The following PRKCA variants were observed in gnomAD, a reference collection of about 807,000 sequenced individuals.
PRKCA encodes the protein protein kinase C alpha type.
PRKCA carries 27 observed loss-of-function variants against 87.0 expected under a neutral mutation model. That is an observed-to-expected ratio of 0.31 (90% CI 0.23 to 0.43). PRKCA has a LOEUF of 0.43. Among genes scored for constraint, PRKCA ranks in the 20% least tolerant of loss-of-function variants. The pLI is 1.00. For synonymous variants in PRKCA, 329 were observed against 311.1 expected (o/e 1.06, Z -0.61); for missense variants, 518 against 852.3 (o/e 0.61, Z 4.88).
At chr17:66,718,918 A>G (rs551658776) in intron 8 of PRKCA, among the ~76,000 whole-genome samples, 31 of 152,332 alleles carry the variant, frequency 2.0e-4, no homozygotes, top group Non-Finnish European at 3.2e-4. Flanking sequence ...CACACAACCC[A>G]AAAGAAACCA....
At chr17:66,440,438 G>C (rs1913672950) in intron 2 of PRKCA, among the ~76,000 whole-genome samples, 1 of 152,200 alleles carries the variant, frequency 6.6e-6, no homozygotes, top group Admixed American at 6.5e-5. Flanking sequence ...TCCATCTCCT[G>C]CTTTCTATTT....
Position 66,804,283 on chromosome 17 carries a change from C to T in PRKCA, c.*246C>T, listed in dbSNP as rs576116346. Reference sequence around the variant, plus strand: ...GTCCAGTTTAATTCTGTAGAAGTTACGTCTGGCTCTAGGTTAACCCTTCCT... The same window carrying T: ...GTCCAGTTTAATTCTGTAGAAGTTATGTCTGGCTCTAGGTTAACCCTTCCT... On this transcript the variant is annotated 3_prime_UTR_variant, in exon 17 of 17. Transcript: ENST00000413366. 2.5e-4 allele frequency: 107 copies of T among 433,652 alleles called. No homozygotes were observed. The highest frequency in any genetic ancestry group is 1.9e-3 in the African/African-American group (93 of 49,824). 26.9% of individuals were successfully genotyped at this position (433,652 alleles called of 1,614,324 possible).
chr17:66,731,048 G>A (rs1973872849), intron 8 of PRKCA, among the ~76,000 whole-genome samples: 1 of 152,112 alleles, frequency 6.6e-6, no homozygotes, highest in Non-Finnish European at 1.5e-5. Context: ...AGGGAGGGAG[G>A]TGCACCCTCT....
In PRKCA at chr17:66,688,997, A is replaced by G. The variant is rs773628505; in HGVS notation, c.868A>G (p.Ile290Val). The change falls in exon 8 of 17, where the codon ATT becomes GTT. Residue 290 changes from isoleucine to valine, a missense_variant. Transcript: ENST00000413366. The stretch of plus-strand genomic sequence containing the variant: ...AGAAGGTGAGTACTACAACGTACCC[A>G]TTCCGGAAGGGGACGAGGAAGGAAA... ...QEEGEYYNVP[I>V]PEGDEEGNME... The G allele has an allele frequency of 6.2e-7, 1 of 1,604,894 alleles. No homozygotes were observed. Among genetic ancestry groups the G allele is most frequent in the Non-Finnish European group, 8.5e-7 (1 of 1,176,024 alleles).
chr17:66,722,122 T>C (rs1472911959), intron 8 of PRKCA, among the ~76,000 whole-genome samples: 1 of 152,186 alleles, frequency 6.6e-6, no homozygotes, highest in African/African-American at 2.4e-5. Flanking sequence ...AGAGGGCTAT[T>C]GTATTAGAGG....
In PRKCA at chr17:66,644,897, G is replaced by A. The variant is rs185350136; in HGVS notation, c.401-486G>A. ...CCCAGTACTTTAGGAGGCCTAGGTG[G>A]GAGGACCACTTGAGCCCAGGAGTTC... On this transcript the variant is annotated intron_variant, in intron 4 of 16. Transcript: ENST00000413366. Among the ~76,000 whole-genome samples, 161 of 152,022 alleles carry A rather than the reference G, an allele frequency of 1.1e-3. 1 individual carries two copies. The highest frequency in any genetic ancestry group is 1.9e-3 in the Non-Finnish European group (128 of 67,984).
chr17:66,309,999 G>A (rs1404170909), intron 2 of PRKCA, among the ~76,000 whole-genome samples: 4 of 152,182 alleles, frequency 2.6e-5, no homozygotes, highest in Admixed American at 6.5e-5. Context: ...GGGCAGTGGA[G>A]CTGAAACAGT....
intron 2 of PRKCA, among the ~76,000 whole-genome samples, chr17:66,443,889 A>T (rs990082): frequency 0.75 from 114,640 of 152,004 alleles, 43,468 homozygotes; most frequent in African/African-American, 0.83. Flanking sequence ...GATACCCGCT[A>T]CATCTGAGCA....
intron 2 of PRKCA, among the ~76,000 whole-genome samples, chr17:66,444,226 C>T (rs931628213): frequency 6.6e-6 from 1 of 152,132 alleles, no homozygotes; most frequent in African/African-American, 2.4e-5. Context: ...CCTGGCTCTA[C>T]AGGTTCTGAA....
chr17:66,676,842 C>T (rs1166500653), intron 5 of PRKCA: 1 of 152,154 alleles, frequency 6.6e-6, no homozygotes, highest in Non-Finnish European at 1.5e-5. Context: ...TAGTTCCTGT[C>T]AGGAGACACA....
chr17:66,552,707 GT>G (rs750805539), intron 3 of PRKCA, among the ~76,000 whole-genome samples: 5 of 152,128 alleles, frequency 3.3e-5, no homozygotes, highest in Non-Finnish European at 7.3e-5. Flanking sequence ...AATCACATAA[GT>G]GACAACCTGA....
Position 66,630,587 on chromosome 17 carries a change from TC to T in PRKCA, c.289-10766del, listed in dbSNP as rs773907391. On this transcript the variant is annotated intron_variant, in intron 3 of 16. Transcript: ENST00000413366. Reference sequence around the variant, plus strand: ...ATGGCATGTCCCAAATAGCAGCTGTTCCTTCATCTCTAGGTCCTGGAATAAG... The same window carrying T: ...ATGGCATGTCCCAAATAGCAGCTGTTCTTCATCTCTAGGTCCTGGAATAAG... Among the ~76,000 whole-genome samples, 121 of 152,220 alleles carry T rather than the reference TC, an allele frequency of 7.9e-4. 1 individual carries two copies. The highest frequency in any genetic ancestry group is 4.6e-4 in the Admixed American group (7 of 15,276).
At chr17:66,484,100 A>G (rs1915899963) in intron 2 of PRKCA, among the ~76,000 whole-genome samples, 1 of 152,152 alleles carries the variant, frequency 6.6e-6, no homozygotes, top group African/African-American at 2.4e-5. Flanking sequence ...CAAGAAAGAG[A>G]AGGAGAGCCA....
intron 2 of PRKCA, among the ~76,000 whole-genome samples, chr17:66,446,107 A>G (rs911136274): frequency 5.3e-5 from 8 of 152,142 alleles, no homozygotes; most frequent in African/African-American, 1.7e-4. Flanking sequence ...ATTCCAGCCA[A>G]AGTGCCTGGC....
intron 2 of PRKCA, among the ~76,000 whole-genome samples, chr17:66,311,753 A>G (rs752912644): frequency 6.6e-5 from 10 of 152,132 alleles, no homozygotes; most frequent in Non-Finnish European, 1.5e-4. Context: ...TTGGTGCTAT[A>G]TACTTGTTAT....
chr17:66,756,385 A>C (rs1390614948), intron 13 of PRKCA, among the ~76,000 whole-genome samples: 1 of 152,048 alleles, frequency 6.6e-6, no homozygotes, highest in Non-Finnish European at 1.5e-5. Context: ...TGAAGGTCAC[A>C]ATCCACAGGC....
At chr17:66,304,001 CA>C (rs1216816654) in intron 1 of PRKCA, among the ~76,000 whole-genome samples, 1 of 151,574 alleles carries the variant, frequency 6.6e-6, no homozygotes, top group Non-Finnish European at 1.5e-5. Flanking sequence ...GATTCCGTCT[CA>C]AAAAAAATGA....
intron 13 of PRKCA, among the ~76,000 whole-genome samples, chr17:66,754,786 G>A (rs1432867202): frequency 6.6e-6 from 1 of 152,112 alleles, no homozygotes; most frequent in Non-Finnish European, 1.5e-5. Context: ...TCCACATACT[G>A]GAGTGGAATC....
In PRKCA at chr17:66,803,097, C is replaced by A. The variant is rs1031156393; in HGVS notation, c.1855-776C>A. ...CTAAGCGGCTGTGTGTCTCAGCGAC[C>A]CCAGTGCAACAGTTCTGCCTGGAGT... On this transcript the variant is annotated intron_variant, in intron 16 of 16. Transcript: ENST00000413366. This position sits in a 1 kb window ranked among gnomAD's most constrained non-coding sequence, Gnocchi z 4.4. Among the ~76,000 whole-genome samples, 1 of 152,182 alleles carries A rather than the reference C, an allele frequency of 6.6e-6. No homozygotes were observed. Among genetic ancestry groups the A allele is most frequent in the Non-Finnish European group, 1.5e-5 (1 of 68,026 alleles).
Sources: allele counts gnomAD v4.1 joint callset (sites outside exome capture counted in the v4.1 genomes callset), GRCh38; gene constraint gnomAD v4.1.1; non-coding constraint Gnocchi (gnomAD v3.1); transcripts MANE v1.5; gene names NCBI Gene and HGNC (gene_info 2026-07-23, HGNC 2026-07-21).